PLA2G6: variants seen among roughly 807,000 people sequenced by gnomAD.
The protein encoded by PLA2G6 is 85/88 kDa calcium-independent phospholipase A2.
PLA2G6 carries 62 observed loss-of-function variants against 83.8 expected under a neutral mutation model. The observed-to-expected ratio is 0.74, with a 90% confidence interval of 0.60 to 0.91. The LOEUF (loss-of-function observed/expected upper bound fraction) is 0.91, where lower values mean the gene tolerates loss of function less well. Among genes scored for constraint, PLA2G6 ranks in the 40% least tolerant of loss-of-function variants. PLA2G6 has a pLI of 0.00. For missense variants in PLA2G6, 944 were observed against 1,102.0 expected (o/e 0.86, Z 2.03); for synonymous variants, 417 against 449.8 (o/e 0.93, Z 0.92).
At chr22:38,166,377 G>A (rs1569297275) in intron 2 of PLA2G6, among the ~76,000 whole-genome samples, 1 of 151,988 alleles carries the variant, frequency 6.6e-6, no homozygotes, top group Non-Finnish European at 1.5e-5. Context: ...GAGGGGAGAA[G>A]ATAAAAAAGA....
intron 6 of PLA2G6, chr22:38,134,598 C>CTA (rs1348586356): frequency 7.0e-5 from 13 of 186,132 alleles, no homozygotes; most frequent in East Asian, 2.8e-4. Flanking sequence ...CCCCCTCTCT[C>CTA]TCTATATATA....
chr22:38,144,960 C>G (rs1226277454), intron 3 of PLA2G6: 2 of 352,334 alleles, frequency 5.7e-6, no homozygotes, highest in Non-Finnish European at 5.6e-6. Context: ...GACCTGGCAC[C>G]TGGTGAGCAC....
chr22:38,169,572 C>G (rs2090354485), intron 1 of PLA2G6, 101 bp from the exon 2 acceptor site: 2 of 708,122 alleles, frequency 2.8e-6, no homozygotes, highest in African/African-American at 1.8e-5. Context: ...CACTCCCCAC[C>G]AGCGTTGTCC....
At position 38,132,311 on chromosome 22, in the gene PLA2G6, G is replaced by A. The variant is rs1704222404; in HGVS notation, c.1077+520C>T. The stretch of plus-strand genomic sequence containing the variant: ...TGGGCTGCACACTCAGGCTTTGCCT[G>A]CCAGGATCTTACAGCCTCCCAGGGA... On this transcript the variant is annotated intron_variant, in intron 7 of 16. Coordinates refer to ENST00000332509, the MANE Select transcript of PLA2G6 (RefSeq NM_003560.4). This position sits in a 1 kb window ranked among gnomAD's most constrained non-coding sequence, Gnocchi z 5.0. The A allele has an allele frequency of 2.4e-5, 8 of 328,280 alleles. No individual in the cohort carries two copies. The highest frequency in any genetic ancestry group is 1.6e-4 in the South Asian group (7 of 43,180). 20.3% of individuals were successfully genotyped at this position (328,280 alleles called of 1,614,324 possible).
At chr22:38,118,035 CAA>C (rs200489859) in intron 12 of PLA2G6, among the ~76,000 whole-genome samples, 1,241 of 109,812 alleles carry the variant, frequency 0.011, 15 homozygotes, top group Non-Finnish European at 0.015. Flanking sequence ...GACTCCATCT[CAA>C]AAAAAAAAAA....
Position 38,111,776 on chromosome 22 carries a change from A to C in PLA2G6, c.*385T>G. Reference sequence around the variant, plus strand: ...GGCTGCACCCACCAGGAAGCCTGGGAGTGCCCTTGCTGGGGGCTGGGGCAG... The same window carrying C: ...GGCTGCACCCACCAGGAAGCCTGGGCGTGCCCTTGCTGGGGGCTGGGGCAG... On this transcript the variant is annotated 3_prime_UTR_variant, in exon 17 of 17. Transcript: ENST00000332509. 1 of 350,210 alleles carries C rather than the reference A, an allele frequency of 2.9e-6. No individual in the cohort carries two copies. The highest frequency in any genetic ancestry group is 5.6e-6 in the Non-Finnish European group (1 of 178,936). 21.7% of individuals were successfully genotyped at this position (350,210 alleles called of 1,614,324 possible).
At chr22:38,163,740 AAAGTT>A (rs1432475847) in intron 2 of PLA2G6, 1 of 168,638 alleles carries the variant, frequency 5.9e-6, no homozygotes, top group Non-Finnish European at 1.5e-5. Context: ...GCCCCACTCT[AAAGTT>A]ATCTCACTGA....
Position 38,169,349 on chromosome 22 carries a change from C to T in PLA2G6, c.78G>A (p.Glu26=), listed in dbSNP as rs746973477. 1.2e-5 allele frequency: 20 copies of T among 1,614,220 alleles called. No homozygotes were observed. The highest frequency in any genetic ancestry group is 3.3e-5 in the Admixed American group (2 of 60,028). The change falls in exon 2 of 17, where the codon GAG becomes GAA. Residue 26 remains glutamate, a synonymous_variant. Coordinates refer to ENST00000332509, the MANE Select transcript of PLA2G6 (RefSeq NM_003560.4). Reference sequence around the variant, plus strand: ...TCGAGGTGTAGTCGGCCACAGCCACCTCCTTCACCCGGAATGGGTTAGAGA... The same window carrying T: ...TCGAGGTGTAGTCGGCCACAGCCACTTCCTTCACCCGGAATGGGTTAGAGA... The part of the protein sequence containing the change: ...NLFSNPFRVK[E]VAVADYTSSD...
At chr22:38,129,984 G>A (rs529844039) in intron 7 of PLA2G6, among the ~76,000 whole-genome samples, 37 of 152,328 alleles carry the variant, frequency 2.4e-4, no homozygotes, top group South Asian at 6.2e-4. Flanking sequence ...CCAGTCCAGG[G>A]TGTCATCCCT....
intron 15 of PLA2G6, 143 bp downstream of exon 15, chr22:38,113,344 C>A: frequency 1.2e-6 from 1 of 825,770 alleles, no homozygotes; most frequent in Non-Finnish European, 2.1e-6. Context: ...ACTGTGGACT[C>A]TCTCTCCCTC....
intron 10 of PLA2G6, chr22:38,126,162 C>T (rs1197782519): frequency 3.1e-6 from 2 of 643,532 alleles, no homozygotes; most frequent in Non-Finnish European, 2.9e-6. Context: ...CTGGGCTGGT[C>T]TCCAGAGCCT....
chr22:38,112,140 C>T lies in PLA2G6; in HGVS notation c.*21G>A. 6.4e-7 allele frequency: 1 copy of T among 1,566,668 alleles called. No homozygotes were observed. The highest frequency in any genetic ancestry group is 8.6e-7 in the Non-Finnish European group (1 of 1,156,400). Reference sequence around the variant, plus strand: ...GCTGAATGGACGAGGTCAGCTGGGGCCGGTGAGAGGCTGGGGACCCTCAGG... The same window carrying T: ...GCTGAATGGACGAGGTCAGCTGGGGTCGGTGAGAGGCTGGGGACCCTCAGG... On this transcript the variant is annotated 3_prime_UTR_variant, in exon 17 of 17. Coordinates refer to ENST00000332509, the MANE Select transcript of PLA2G6 (RefSeq NM_003560.4).
chr22:38,144,006 A>C (rs1245113558), intron 3 of PLA2G6: 1 of 168,754 alleles, frequency 5.9e-6, no homozygotes, highest in East Asian at 1.6e-4. Context: ...GGCCTCACAA[A>C]GTGCTGGGAT....
chr22:38,130,431 CCTCAG>C (rs1184620291), intron 7 of PLA2G6: 1 of 152,316 alleles, frequency 6.6e-6, no homozygotes, highest in Non-Finnish European at 1.5e-5. Context: ...AATTCTCCTG[CCTCAG>C]CCTCCAGAGT....
At chr22:38,112,960 G>A (rs1463634093) in intron 15 of PLA2G6, 1 of 388,412 alleles carries the variant, frequency 2.6e-6, no homozygotes, top group Non-Finnish European at 4.9e-6. Flanking sequence ...AGGCTGGAGT[G>A]CAGTGGCATG....
intron 5 of PLA2G6, chr22:38,135,996 G>C (rs1305920924): frequency 6.6e-6 from 1 of 152,194 alleles, no homozygotes; most frequent in Non-Finnish European, 1.5e-5. Context: ...GCCTTAAAAA[G>C]AAAGGAAATT....
At chr22:38,160,198 A>G (rs2089954164) in intron 2 of PLA2G6, among the ~76,000 whole-genome samples, 1 of 152,200 alleles carries the variant, frequency 6.6e-6, no homozygotes, top group Non-Finnish European at 1.5e-5. Context: ...ACTACTAGAC[A>G]CCCGACAGAA....
At chr22:38,115,773 G>C in intron 13 of PLA2G6, 92 bp from the exon 14 acceptor site, 1 of 1,504,016 alleles carries the variant, frequency 6.6e-7, no homozygotes. Context: ...GTTGGGGGCT[G>C]GGGGTGCGGG....
intron 5 of PLA2G6, chr22:38,135,371 C>T (rs2088487731): frequency 4.7e-6 from 2 of 426,156 alleles, no homozygotes; most frequent in African/African-American, 4.0e-5. Context: ...CCAGCTTCCT[C>T]ACTGGTGGCC....
Sources: allele counts gnomAD v4.1 joint callset (sites outside exome capture counted in the v4.1 genomes callset), GRCh38; gene constraint gnomAD v4.1.1; non-coding constraint Gnocchi (gnomAD v3.1); transcripts MANE v1.5; gene names NCBI Gene and HGNC (gene_info 2026-07-23, HGNC 2026-07-21).